The following ACP6 variants were observed in gnomAD, a reference collection of about 807,000 sequenced individuals.
The protein encoded by ACP6 is acid phosphatase 6, lysophosphatidic, also known as lysophosphatidic acid phosphatase type 6.
In ACP6, 48 loss-of-function variants were observed where a neutral mutation model predicts 48.1. That is an observed-to-expected ratio of 1.00 (90% CI 0.79 to 1.27). The LOEUF (loss-of-function observed/expected upper bound fraction) is 1.27, where lower values mean the gene tolerates loss of function less well. Among genes scored for constraint, ACP6 ranks in the 50% most tolerant of loss-of-function variants. The pLI is 0.00. For synonymous variants in ACP6, 172 were observed against 204.2 expected (o/e 0.84, Z 1.34); for missense variants, 485 against 529.1 (o/e 0.92, Z 0.82).
chr1:147,662,166 C>A (rs931660540), intron 1 of ACP6, among the ~76,000 whole-genome samples: 3 of 152,216 alleles, frequency 2.0e-5, no homozygotes, highest in Admixed American at 2.0e-4. Flanking sequence ...CCAAATATTA[C>A]TGCTCATTGA....
chr1:147,646,979 A>T lies in ACP6; in HGVS notation c.*444T>A, dbSNP rs1659649900. On this transcript the variant is annotated 3_prime_UTR_variant, in exon 10 of 10. Transcript: ENST00000583509. The stretch of plus-strand genomic sequence containing the variant: ...CCCCTCAAATACCTATTACAGCATA[A>T]AACATACAGCACTGTATCACTGATT... 6.3e-6 allele frequency: 1 copy of T among 159,886 alleles called. No individual in the cohort carries two copies. The allele number at this position is 159,886 out of a possible 1,614,324, so 9.9% of individuals were successfully genotyped here. A position where few individuals can be genotyped will look rare whatever the true frequency, so the allele number is the denominator to read the frequency against.
Position 147,643,334 on chromosome 1 carries a change from C to G in ACP6, c.*4089G>C, listed in dbSNP as rs1040942335. 2 of 152,148 alleles carry G rather than the reference C, an allele frequency of 1.3e-5. No homozygotes were observed. The highest frequency in any genetic ancestry group is 1.3e-4 in the Admixed American group (2 of 15,278). The allele number at this position is 152,148 out of a possible 1,614,324, so 9.4% of individuals were successfully genotyped here. On this transcript the variant is annotated 3_prime_UTR_variant, in exon 10 of 10. Transcript: ENST00000583509. Reference sequence around the variant, plus strand: ...CACTGAAAGCCGACATTTCCAAGAGCCTATTGATAGCATCAAGTGAGGACT... The same window carrying G: ...CACTGAAAGCCGACATTTCCAAGAGGCTATTGATAGCATCAAGTGAGGACT...
At chr1:147,663,297 G>A (rs1285608008) in intron 1 of ACP6, among the ~76,000 whole-genome samples, 1 of 151,868 alleles carries the variant, frequency 6.6e-6, no homozygotes, top group Non-Finnish European at 1.5e-5. Flanking sequence ...GAGGTGGGGG[G>A]GTGCAGTAAA....
At chr1:147,659,209 A>G in intron 3 of ACP6, 170 bp from the exon 4 acceptor site, 2 of 1,035,816 alleles carry the variant, frequency 1.9e-6, no homozygotes, top group Non-Finnish European at 2.8e-6. Flanking sequence ...AGAGACTCGA[A>G]GTGCAATGAA....
chr1:147,636,884 T>G (rs1203770587), intron 5 of ACP6, among the ~76,000 whole-genome samples: 1 of 152,228 alleles, frequency 6.6e-6, no homozygotes, highest in Non-Finnish European at 1.5e-5. Flanking sequence ...GCTGCCCTCC[T>G]GGGCACTGAA....
downstream of ACP6, among the ~76,000 whole-genome samples, chr1:147,639,910 C>T (rs992281693): frequency 1.3e-5 from 2 of 152,074 alleles, no homozygotes; most frequent in Non-Finnish European, 2.9e-5. Context: ...CCCAGCCTCC[C>T]GGCACACTCC....
intron 5 of ACP6, among the ~76,000 whole-genome samples, chr1:147,631,651 T>C (rs1659166403): frequency 6.6e-6 from 1 of 152,004 alleles, no homozygotes; most frequent in Non-Finnish European, 1.5e-5. Flanking sequence ...CCGTCTCTAC[T>C]AAAAATACAA....
chr1:147,639,142 C>T (rs1359652432), downstream of ACP6, among the ~76,000 whole-genome samples: 1 of 152,196 alleles, frequency 6.6e-6, no homozygotes, highest in Non-Finnish European at 1.5e-5. Context: ...CAGGTGTGAG[C>T]CACCTGGCCA....
intron 1 of ACP6, among the ~76,000 whole-genome samples, chr1:147,659,985 G>A (rs868989609): frequency 2.0e-5 from 3 of 152,186 alleles, no homozygotes; most frequent in African/African-American, 7.2e-5. Flanking sequence ...CCTATGTCCT[G>A]TTATTGCTAC....
intron 1 of ACP6, among the ~76,000 whole-genome samples, chr1:147,668,353 C>T (rs1660906915): frequency 6.6e-6 from 1 of 152,086 alleles, no homozygotes. Flanking sequence ...ATCCATCACA[C>T]ACCCACTCTC....
At position 147,670,395 on chromosome 1, in the gene ACP6, T is replaced by C. The variant is rs587642963; in HGVS notation, c.-347A>G. On this transcript the variant is annotated 5_prime_UTR_variant, in exon 1 of 10. Coordinates refer to ENST00000583509, the MANE Select transcript of ACP6 (RefSeq NM_016361.5). The stretch of plus-strand genomic sequence containing the variant: ...ATTTCAAGTTTGGCCTCCAGCACTC[T>C]TGAAGGAACAGGAGCCGGCCCTGAG... 5.3e-6 allele frequency: 1 copy of C among 189,516 alleles called. No homozygotes were observed. Among genetic ancestry groups the C allele is most frequent in the African/African-American group, 2.3e-5 (1 of 42,940 alleles). The allele number at this position is 189,516 out of a possible 1,614,324, so 11.7% of individuals were successfully genotyped here.
At position 147,647,174 on chromosome 1, in the gene ACP6, G is replaced by A. The variant is rs1386317365; in HGVS notation, c.*249C>T. On this transcript the variant is annotated 3_prime_UTR_variant, in exon 10 of 10. Coordinates refer to ENST00000583509, the MANE Select transcript of ACP6 (RefSeq NM_016361.5). ...TACAGGGTCATGATGTCCCCAGCCC[G>A]TGTCACACAAAGATGCTTCTAACCT... 21 of 441,950 alleles carry A rather than the reference G, an allele frequency of 4.8e-5. No individual in the cohort carries two copies. In the South Asian group the frequency reaches 5.3e-4, roughly 11 times the overall value. The allele number at this position is 441,950 out of a possible 1,614,324, so 27.4% of individuals were successfully genotyped here. A position where few individuals can be genotyped will look rare whatever the true frequency, so the allele number is the denominator to read the frequency against.
At chr1:147,652,294 T>C in intron 7 of ACP6, 155 bp downstream of exon 7, 1 of 692,470 alleles carries the variant, frequency 1.4e-6, no homozygotes, top group South Asian at 2.0e-5. Flanking sequence ...TGCGAGGACC[T>C]AGGGCCTACT....
chr1:147,645,448 AG>A lies in ACP6; in HGVS notation c.*1974del. 6.6e-6 allele frequency: 1 copy of A among 152,288 alleles called. No homozygotes were observed. The allele number at this position is 152,288 out of a possible 1,614,324, so 9.4% of individuals were successfully genotyped here. A position where few individuals can be genotyped will look rare whatever the true frequency, so the allele number is the denominator to read the frequency against. ...GAGTGTAGGGGAAAAGGTGGAAAAA[AG>A]GTCCAAGGAGTAAGCCCTGGGACAC... On this transcript the variant is annotated 3_prime_UTR_variant, in exon 10 of 10. Coordinates refer to ENST00000583509, the MANE Select transcript of ACP6 (RefSeq NM_016361.5).
intron 5 of ACP6, among the ~76,000 whole-genome samples, chr1:147,632,144 T>G (rs782184220): frequency 6.6e-6 from 1 of 151,444 alleles, no homozygotes; most frequent in Non-Finnish European, 1.5e-5. Flanking sequence ...ATTTGTCATC[T>G]CCTCAGAGAG....
At position 147,650,704 on chromosome 1, in the gene ACP6, A is replaced by G. The variant is rs142227690; in HGVS notation, c.882-466T>C. The G allele has an allele frequency of 4.7e-3, 715 of 153,320 alleles. 8 individuals are homozygous for G. The highest frequency in any genetic ancestry group is 0.016 in the African/African-American group (685 of 41,612). The allele number at this position is 153,320 out of a possible 1,614,324, so 9.5% of individuals were successfully genotyped here. On this transcript the variant is annotated intron_variant, in intron 7 of 9. Transcript: ENST00000583509. Reference sequence around the variant, plus strand: ...CCTTCTTTTGGAGTTTGGGCCATAAAGACATTTCTTATTTATGTCTTATTT... The same window carrying G: ...CCTTCTTTTGGAGTTTGGGCCATAAGGACATTTCTTATTTATGTCTTATTT...
At chr1:147,641,074 G>A (rs1553208579), downstream of ACP6, among the ~76,000 whole-genome samples, 1 of 152,180 alleles carries the variant, frequency 6.6e-6, no homozygotes, top group African/African-American at 2.4e-5. Context: ...GTTGTAGACA[G>A]GGTAGGTGCC....
chr1:147,657,410 C>T (rs1660311163), intron 4 of ACP6, among the ~76,000 whole-genome samples: 1 of 152,086 alleles, frequency 6.6e-6, no homozygotes, highest in South Asian at 2.1e-4. Flanking sequence ...GTGCCACCTT[C>T]TGGGATTCTT....
chr1:147,641,574 C>T (rs1276738714), downstream of ACP6, among the ~76,000 whole-genome samples: 1 of 152,182 alleles, frequency 6.6e-6, no homozygotes, highest in Admixed American at 6.5e-5. Flanking sequence ...GGGTGAGAGC[C>T]TCCTGTGGGA....
Sources: allele counts gnomAD v4.1 joint callset (sites outside exome capture counted in the v4.1 genomes callset), GRCh38; gene constraint gnomAD v4.1.1; transcripts MANE v1.5; gene names NCBI Gene and HGNC (gene_info 2026-07-23, HGNC 2026-07-21).